CEP95: variants seen among roughly 807,000 people sequenced by gnomAD.
The protein encoded by CEP95 is centrosomal protein 95.
Under a neutral mutation model 111.2 loss-of-function variants are expected in CEP95, and 98 were observed. The observed-to-expected ratio is 0.88, with a 90% CI of 0.75 to 1.04. CEP95 has a LOEUF of 1.04. CEP95 is among the 50% of genes least tolerant of loss of function. The pLI is 0.00. For synonymous variants in CEP95, 323 were observed against 327.1 expected (o/e 0.99, Z 0.14); for missense variants, 1,027 against 977.2 (o/e 1.05, Z -0.68).
intron 4 of CEP95, 180 bp downstream of exon 4, chr17:64,514,538 GTCA>G: frequency 2.2e-6 from 1 of 449,852 alleles, no homozygotes. Flanking sequence ...GTCTTAGACT[GTCA>G]TCATGTTCTT....
rs1967774854 is a variant in CEP95 at position 64,525,860 on chromosome 17, A to G, written c.1000A>G (p.Arg334Gly). The G allele has an allele frequency of 6.3e-7, 1 of 1,578,368 alleles. No individual in the cohort carries two copies. The highest frequency in any genetic ancestry group is 2.1e-5 in the Admixed American group (1 of 48,466). ...AGCTCAGGTCCAAGGGCCTAGGACA[A>G]GGAAGCCTCCCAAAGGAAAAAGGTA... Reference protein sequence around the residue: ...YPAQVQGPRTRKPPKGKRNEN... With the variant: ...YPAQVQGPRTGKPPKGKRNEN... The change falls in exon 9 of 20, where the codon AGG becomes GGG. Residue 334 changes from arginine to glycine, a missense_variant. Arg to Gly is a moderately radical substitution (Grantham distance 125). Transcript: ENST00000556440.
At chr17:64,531,167 T>G in intron 13 of CEP95, 149 bp downstream of exon 13, 1 of 446,596 alleles carries the variant, frequency 2.2e-6, no homozygotes, top group Non-Finnish European at 3.9e-6. Flanking sequence ...GATACAGGAC[T>G]TGCTTATTAA....
chr17:64,526,280 GTATTAGAAAAT>G lies in CEP95; in HGVS notation c.1152+83_1152+93del, dbSNP rs1291051799. 7 of 1,373,316 alleles carry G rather than the reference GTATTAGAAAAT, an allele frequency of 5.1e-6. No homozygotes were observed. In the African/African-American group the frequency reaches 1.0e-4, roughly 20 times the overall value. 85.1% of individuals were successfully genotyped at this position (1,373,316 alleles called of 1,614,324 possible). A position where few individuals can be genotyped will look rare whatever the true frequency, so the allele number is the denominator to read the frequency against. On this transcript the variant is annotated intron_variant, in intron 10 of 19. Coordinates refer to ENST00000556440, the MANE Select transcript of CEP95 (RefSeq NM_138363.3). The stretch of plus-strand genomic sequence containing the variant: ...AAGTAATCTCTCAATTGAAAGTGAG[GTATTAGAAAAT>G]TAGTTGTGTCTTATTAATAGTTACT...
intron 9 of CEP95, 74 bp from the exon 10 acceptor site, chr17:64,525,997 A>T (rs534849177): frequency 6.5e-7 from 1 of 1,532,882 alleles, no homozygotes; most frequent in African/African-American, 1.4e-5. Context: ...TTGTTAAAGT[A>T]CGTATTACAG....
At position 64,534,696 on chromosome 17, in the gene CEP95, T is replaced by C. The variant is rs1598251389; in HGVS notation, c.2029T>C (p.Leu677=). 2 of 1,613,168 alleles carry C rather than the reference T, an allele frequency of 1.2e-6. No individual in the cohort carries two copies. The highest frequency in any genetic ancestry group is 8.5e-7 in the Non-Finnish European group (1 of 1,179,502). ...RKYYDDYRVQ[L]CAKMMRMRTR... Reference sequence around the variant, plus strand: ...ATATTATGATGATTATAGAGTTCAGTTGTGTGCAAAAATGATGAGAATGAG... The same window carrying C: ...ATATTATGATGATTATAGAGTTCAGCTGTGTGCAAAAATGATGAGAATGAG... Residue 677 remains leucine (L), a synonymous_variant, in exon 17 of 20, where the codon TTG becomes CTG. Transcript: ENST00000556440.
At chr17:64,515,803 A>C (rs1333888400) in intron 4 of CEP95, 1 of 152,210 alleles carries the variant, frequency 6.6e-6, no homozygotes, top group Non-Finnish European at 1.5e-5. Context: ...ATGGGAAACA[A>C]ATCTTTATTA....
intron 18 of CEP95, 30 bp from the exon 19 acceptor site, chr17:64,537,011 A>AAT: frequency 3.2e-6 from 5 of 1,567,486 alleles, no homozygotes; most frequent in South Asian, 2.3e-5. Context: ...CATTAAATAT[A>AAT]ATATTTGTTT....
At chr17:64,513,030 G>GT (rs753617212) in intron 3 of CEP95, among the ~76,000 whole-genome samples, 127 of 152,232 alleles carry the variant, frequency 8.3e-4, no homozygotes, top group Non-Finnish European at 1.5e-3. Flanking sequence ...TAGTTGCTAG[G>GT]TTGTCAGTAT....
In CEP95 at chr17:64,534,653, A is replaced by C; in HGVS notation, c.1986A>C (p.Gln662His). Residue 662 changes from glutamine (Q) to histidine (H), a missense_variant, in exon 17 of 20, where the codon CAA becomes CAC. Physicochemically the swap from Gln to His is conservative, Grantham distance 24 (BLOSUM62 0). Transcript: ENST00000556440. ...CAAAGATAAAAGAAAATCGACAGCA[A>C]ATCGTTCGTGCTCGAAAATATTATG... is the stretch of plus-strand genomic sequence containing the variant. ...TQSKIKENRQQIVRARKYYDD... is the reference protein window; with the variant it reads ...TQSKIKENRQHIVRARKYYDD... 1 of 1,613,884 alleles carries C rather than the reference A, an allele frequency of 6.2e-7. No homozygotes were observed. Among genetic ancestry groups the C allele is most frequent in the Admixed American group, 1.7e-5 (1 of 60,010 alleles).
chr17:64,508,885 A>G (rs1301232750), intron 2 of CEP95, among the ~76,000 whole-genome samples, 165 bp downstream of exon 2: 1 of 150,910 alleles, frequency 6.6e-6, no homozygotes, highest in Admixed American at 6.6e-5. Context: ...TATTAAAATA[A>G]ATATTGTATA....
chr17:64,524,855 C>T (rs1466305699), intron 8 of CEP95, among the ~76,000 whole-genome samples: 12 of 151,606 alleles, frequency 7.9e-5, no homozygotes. Flanking sequence ...CCTGTAATCC[C>T]AGCTACTCTG....
In CEP95 at chr17:64,514,514, G is replaced by C. The variant is rs559977174; in HGVS notation, c.367+156G>C. The C allele has an allele frequency of 7.0e-4, 357 of 511,266 alleles. 1 individual carries two copies. The highest frequency in any genetic ancestry group is 4.9e-4 in the Middle Eastern group (1 of 2,052). The allele number at this position is 511,266 out of a possible 1,614,324, so 31.7% of individuals were successfully genotyped here. On this transcript the variant is annotated intron_variant, in intron 4 of 19. Coordinates refer to ENST00000556440, the MANE Select transcript of CEP95 (RefSeq NM_138363.3). Reference sequence around the variant, plus strand: ...TAAATTTCAAATTCTTATTGTTCCAGCTGGTTGGAAACTGTCTTAGACTGT... The same window carrying C: ...TAAATTTCAAATTCTTATTGTTCCACCTGGTTGGAAACTGTCTTAGACTGT...
At position 64,529,378 on chromosome 17, in the gene CEP95, A is replaced by G. The variant is rs782695685; in HGVS notation, c.1397A>G (p.Lys466Arg). The change falls in exon 12 of 20, where the codon AAA becomes AGA. Residue 466 changes from lysine to arginine, a missense_variant. Transcript: ENST00000556440. ...NKHKQFHLER[K>R]RQRKPRETDV... is the part of the protein sequence containing the mutation. ...CACAAACAGTTCCACTTGGAGAGAAAAAGGCAGCGCAAGCCAAGAGAAACA... is the reference window on the plus strand; with the variant it reads ...CACAAACAGTTCCACTTGGAGAGAAGAAGGCAGCGCAAGCCAAGAGAAACA... 9.9e-6 allele frequency: 16 copies of G among 1,613,804 alleles called. No individual in the cohort carries two copies. The African/African-American group carries it at 2.0e-4, about 20-fold the overall frequency.
intron 15 of CEP95, 46 bp downstream of exon 15, chr17:64,533,054 C>G (rs532922148): frequency 6.2e-7 from 1 of 1,604,986 alleles, no homozygotes; most frequent in Non-Finnish European, 8.5e-7. Flanking sequence ...ATGAGAAGAG[C>G]TTATCCTTAA....
chr17:64,510,515 A>T (rs2038836074), intron 3 of CEP95, among the ~76,000 whole-genome samples: 1 of 152,006 alleles, frequency 6.6e-6, no homozygotes, highest in Non-Finnish European at 1.5e-5. Context: ...CCTAGCTGGT[A>T]ATTTGAGGTG....
intron 11 of CEP95, among the ~76,000 whole-genome samples, chr17:64,528,852 T>TA (rs1968056748): frequency 6.6e-6 from 1 of 152,212 alleles, no homozygotes; most frequent in South Asian, 2.1e-4. Context: ...TGAGACCACT[T>TA]AGACAATGCT....
rs375616822 is a variant in CEP95, at chr17:64,510,162, TC to T, written c.149-3del. On this transcript the variant is annotated splice_polypyrimidine_tract_variant and intron_variant, in intron 2 of 19. Coordinates refer to ENST00000556440, the MANE Select transcript of CEP95 (RefSeq NM_138363.3). ...ATGGATACAAAATTATGTGATTTTT[TC>T]CCCCCCCAGACCTCATAGTTATTCC... is the stretch of plus-strand genomic sequence containing the variant. 1.2e-4 allele frequency: 170 copies of T among 1,447,132 alleles called. No homozygotes were observed. The highest frequency in any genetic ancestry group is 6.6e-4 in the East Asian group (29 of 43,840). The allele number at this position is 1,447,132 out of a possible 1,614,324, so 89.6% of individuals were successfully genotyped here.
Position 64,534,749 on chromosome 17 carries a change from T to C in CEP95, c.2070+12T>C. 1 of 1,607,528 alleles carries C rather than the reference T, an allele frequency of 6.2e-7. No homozygotes were observed. Among genetic ancestry groups the C allele is most frequent in the Non-Finnish European group, 8.5e-7 (1 of 1,176,618 alleles). ...CCCGGGAAGAAATGGTAAGTCTGACTTTTCTGTCCAGCCCTGTTAAGAAGG... is the reference window on the plus strand; with the variant it reads ...CCCGGGAAGAAATGGTAAGTCTGACCTTTCTGTCCAGCCCTGTTAAGAAGG... On this transcript the variant is annotated intron_variant, in intron 17 of 19. Coordinates refer to ENST00000556440, the MANE Select transcript of CEP95 (RefSeq NM_138363.3).
chr17:64,530,126 G>A (rs1218393266), intron 12 of CEP95, among the ~76,000 whole-genome samples: 1 of 152,172 alleles, frequency 6.6e-6, no homozygotes, highest in Non-Finnish European at 1.5e-5. Context: ...TGAGGCAGGT[G>A]CAGTGGCCCT....
Sources: gnomAD v4.1 joint callset for allele counts (sites outside exome capture counted in the v4.1 genomes callset) on GRCh38, gnomAD v4.1.1 for gene constraint, MANE v1.5 for transcripts, NCBI Gene and HGNC (gene_info 2026-07-23, HGNC 2026-07-21) for gene names.